The following MYOC variants were observed in gnomAD, a reference collection of about 807,000 sequenced individuals.
MYOC encodes the protein myocilin, also known as juvenile-onset open-angle glaucoma 1.
A neutral mutation model predicts 28.2 loss-of-function variants in MYOC; 29 were observed. That is an observed-to-expected ratio of 1.03 (90% CI 0.77 to 1.40). The LOEUF is 1.40. MYOC is among the 40% of genes most tolerant of loss of function. MYOC has a pLI of 0.00. For synonymous variants in MYOC, 240 were observed against 245.6 expected (o/e 0.98, Z 0.21); for missense variants, 569 against 620.6 (o/e 0.92, Z 0.88).
intron 1 of MYOC, 84 bp downstream of exon 1, chr1:171,651,924 C>T: frequency 6.3e-7 from 1 of 1,591,560 alleles, no homozygotes; most frequent in Non-Finnish European, 8.6e-7. Flanking sequence ...AAAGGGCAGG[C>T]AGGGAGGCCT....
In MYOC at chr1:171,635,789, T is replaced by C; in HGVS notation, c.*136A>G. Reference sequence around the variant, plus strand: ...AATAGTTAGATGGTGACCATGTTCATCCTTCTGGATTAATGAAAACTTGGA... The same window carrying C: ...AATAGTTAGATGGTGACCATGTTCACCCTTCTGGATTAATGAAAACTTGGA... On this transcript the variant is annotated 3_prime_UTR_variant, in exon 3 of 3. Transcript: ENST00000037502. 1 of 833,452 alleles carries C rather than the reference T, an allele frequency of 1.2e-6. No homozygotes were observed. The highest frequency in any genetic ancestry group is 1.5e-5 in the South Asian group (1 of 68,118). The allele number at this position is 833,452 out of a possible 1,614,324, so 51.6% of individuals were successfully genotyped here.
intron 1 of MYOC, among the ~76,000 whole-genome samples, chr1:171,651,684 A>C (rs1653357952): frequency 6.6e-6 from 1 of 152,220 alleles, no homozygotes; most frequent in African/African-American, 2.4e-5. Flanking sequence ...ATAGTTTTTC[A>C]AAAGGGACAA....
At chr1:171,642,477 G>A (rs550042322) in intron 1 of MYOC, among the ~76,000 whole-genome samples, 1 of 152,106 alleles carries the variant, frequency 6.6e-6, no homozygotes, top group African/African-American at 2.4e-5. Context: ...GCTGGGTGTG[G>A]TGGTGCAGTC....
rs552784652 is a variant in MYOC, at chr1:171,651,078, T to C, written c.604+930A>G. On this transcript the variant is annotated intron_variant, in intron 1 of 2. Transcript: ENST00000037502. ...CTTGGATGAAGACACCAATCAAGAC[T>C]CATGCACTACATTTGGTTAACACAT... 4.6e-5 allele frequency among the ~76,000 whole-genome samples: 7 copies of C among 152,270 alleles called. No individual in the cohort carries two copies. The South Asian group carries it at 1.2e-3, about 27-fold the overall frequency.
intron 1 of MYOC, among the ~76,000 whole-genome samples, chr1:171,650,135 C>T (rs1232000981): frequency 1.3e-5 from 2 of 151,824 alleles, no homozygotes; most frequent in Non-Finnish European, 2.9e-5. Context: ...CTAATAAATC[C>T]CCAAAGACTT....
chr1:171,650,210 A>ACACCACC (rs1653319781), intron 1 of MYOC, among the ~76,000 whole-genome samples: 1 of 152,142 alleles, frequency 6.6e-6, no homozygotes, highest in Non-Finnish European at 1.5e-5. Flanking sequence ...ACACACACAC[A>ACACCACC]CACCACCCAC....
At chr1:171,637,856 G>A (rs561865481) in intron 2 of MYOC, among the ~76,000 whole-genome samples, 16 of 151,892 alleles carry the variant, frequency 1.1e-4, no homozygotes, top group Non-Finnish European at 2.2e-4. Context: ...CAAGTGATCC[G>A]CCCGCCTCAG....
intron 1 of MYOC, among the ~76,000 whole-genome samples, chr1:171,648,938 C>T (rs977031676): frequency 6.6e-6 from 1 of 150,976 alleles, no homozygotes; most frequent in Non-Finnish European, 1.5e-5. Context: ...CTGTCCACCT[C>T]GGCCTCCCAA....
intron 1 of MYOC, among the ~76,000 whole-genome samples, chr1:171,649,053 T>C (rs895010674): frequency 3.3e-5 from 5 of 151,752 alleles, no homozygotes; most frequent in Non-Finnish European, 7.4e-5. Context: ...TGTATATATA[T>C]GAAAATTTAT....
chr1:171,643,094 G>A (rs1653116390), intron 1 of MYOC, among the ~76,000 whole-genome samples: 1 of 152,104 alleles, frequency 6.6e-6, no homozygotes, highest in Non-Finnish European at 1.5e-5. Flanking sequence ...GGTTGTGCAG[G>A]GGTGAGGAAA....
In MYOC at chr1:171,636,162, G is replaced by A. The variant is rs1183498744; in HGVS notation, c.1278C>T (p.Val426=). ...TWETNIRKQS[V]ANAFIICGTL... ...TGCCACAGATGATGAAGGCATTGGC[G>A]ACTGACTGCTTACGGATGTTTGTCT... Residue 426 remains valine, a synonymous_variant, in exon 3 of 3, where the codon GTC becomes GTT. Transcript: ENST00000037502. 6.8e-6 allele frequency: 11 copies of A among 1,614,170 alleles called. No individual in the cohort carries two copies. Among genetic ancestry groups the A allele is most frequent in the South Asian group, 4.4e-5 (4 of 91,080 alleles).
Position 171,652,619 on chromosome 1 carries a change from G to A in MYOC, c.-8C>T, listed in dbSNP as rs766501882. On this transcript the variant is annotated 5_prime_UTR_variant, in exon 1 of 3. Coordinates refer to ENST00000037502, the MANE Select transcript of MYOC (RefSeq NM_000261.2). ...TGCACAGAAGAACCTCATTGCAGAG[G>A]CTTGGTGAGGCTTCCTCTGGAAAGC... 5 of 1,613,920 alleles carry A rather than the reference G, an allele frequency of 3.1e-6. No homozygotes were observed. Among genetic ancestry groups the A allele is most frequent in the Non-Finnish European group, 4.2e-6 (5 of 1,180,022 alleles).
In MYOC at chr1:171,638,695, G is replaced by T; in HGVS notation, c.632C>A (p.Ala211Asp). 1.2e-6 allele frequency: 2 copies of T among 1,614,096 alleles called. No homozygotes were observed. Among genetic ancestry groups the T allele is most frequent in the Non-Finnish European group, 1.7e-6 (2 of 1,179,976 alleles). The change falls in exon 2 of 3, where the codon GCC becomes GAC. Residue 211 changes from alanine to aspartate, a missense_variant. Ala to Asp is a moderately radical substitution (Grantham distance 126, BLOSUM62 -2). Transcript: ENST00000037502. ...EVSTWNLDTL[A>D]FQELKSELTE... The stretch of plus-strand genomic sequence containing the variant: ...TAGCTCGGACTTCAGTTCCTGGAAG[G>T]CCAAAGTGTCCAAATTCCACGTAGA...
At chr1:171,651,185 C>T (rs1420768065) in intron 1 of MYOC, among the ~76,000 whole-genome samples, 1 of 152,136 alleles carries the variant, frequency 6.6e-6, no homozygotes, top group Non-Finnish European at 1.5e-5. Flanking sequence ...TTTGACCAGT[C>T]CAAACTAATT....
Position 171,652,566 on chromosome 1 carries a change from G to A in MYOC, c.46C>T (p.Pro16Ser). 2 of 1,614,210 alleles carry A rather than the reference G, an allele frequency of 1.2e-6. No individual in the cohort carries two copies. The highest frequency in any genetic ancestry group is 8.5e-7 in the Non-Finnish European group (1 of 1,180,028). ...ARCCSFGPEM[P>S]AVQLLLLACL... ...GCCAGAAGCAGCAGCTGGACAGCTG[G>A]CATCTCAGGCCCAAAGCTGCAGCAA... The change falls in exon 1 of 3, where the codon CCA becomes TCA. Residue 16 changes from proline to serine, a missense_variant. Transcript: ENST00000037502.
chr1:171,646,489 G>GTT (rs573269012), intron 1 of MYOC, among the ~76,000 whole-genome samples: 3 of 135,742 alleles, frequency 2.2e-5, no homozygotes, highest in Non-Finnish European at 3.1e-5. Flanking sequence ...ATTTTTTAAG[G>GTT]TTTTTTTTTT....
Position 171,636,490 on chromosome 1 carries a change from A to T in MYOC, c.950T>A (p.Ile317Lys), listed in dbSNP as rs1318342394. The change falls in exon 3 of 3, where the codon ATA becomes AAA. Residue 317 changes from isoleucine (I) to lysine (K), a missense_variant. Physicochemically the swap from Ile to Lys is moderately radical, Grantham distance 102. Transcript: ENST00000037502. ...CGTGCTTTCCAGTGGCCTAGGCAGT[A>T]TGTGAACCTTAGAAGGGTAGCCCTG... is the stretch of plus-strand genomic sequence containing the variant. ...FMQGYPSKVH[I>K]LPRPLESTGA... 1 of 1,613,444 alleles carries T rather than the reference A, an allele frequency of 6.2e-7. No homozygotes were observed. The highest frequency in any genetic ancestry group is 8.5e-7 in the Non-Finnish European group (1 of 1,179,736).
chr1:171,648,790 C>G (rs925870133), intron 1 of MYOC, among the ~76,000 whole-genome samples: 1 of 150,578 alleles, frequency 6.6e-6, no homozygotes, highest in Non-Finnish European at 1.5e-5. Context: ...CAGGTTCAAG[C>G]GATTCTCCTG....
chr1:171,644,755 T>C (rs1162475455), intron 1 of MYOC, among the ~76,000 whole-genome samples: 1 of 152,228 alleles, frequency 6.6e-6, no homozygotes. Context: ...CTATCGCTAC[T>C]ACTTATTAAG....
Sources: allele counts gnomAD v4.1 joint callset (sites outside exome capture counted in the v4.1 genomes callset), GRCh38; gene constraint gnomAD v4.1.1; transcripts MANE v1.5; gene names NCBI Gene and HGNC (gene_info 2026-07-23, HGNC 2026-07-21).